ABI3BP: variants seen among roughly 807,000 people sequenced by gnomAD.
The protein encoded by ABI3BP is ABI family member 3 binding protein.
Under a neutral mutation model 268.6 loss-of-function variants are expected in ABI3BP, and 216 were observed. That is an observed-to-expected ratio of 0.80 (90% confidence interval 0.72 to 0.90). The LOEUF (loss-of-function observed/expected upper bound fraction) is 0.90, where lower values mean the gene tolerates loss of function less well. Among genes scored for constraint, ABI3BP ranks in the 40% least tolerant of loss-of-function variants. The pLI is 0.00. For synonymous variants in ABI3BP, 730 were observed against 730.0 expected (o/e 1.00, Z 0.00); for missense variants, 2,090 against 2,182.4 (o/e 0.96, Z 0.84).
chr3:100,793,772 G>A (rs2097263395), intron 54 of ABI3BP, among the ~76,000 whole-genome samples: 1 of 151,962 alleles, frequency 6.6e-6, no homozygotes, highest in South Asian at 2.1e-4. Flanking sequence ...GAGACAAATA[G>A]GGCCACTGAC....
At position 100,818,627 on chromosome 3, in the gene ABI3BP, T is replaced by C. The variant is rs765577563; in HGVS notation, c.3032-46A>G. The C allele has an allele frequency of 2.1e-6, 3 of 1,399,962 alleles. No individual in the cohort carries two copies. The South Asian group carries it at 3.7e-5, about 17-fold the overall frequency. The allele number at this position is 1,399,962 out of a possible 1,614,324, so 86.7% of individuals were successfully genotyped here. A position where few individuals can be genotyped will look rare whatever the true frequency, so the allele number is the denominator to read the frequency against. Reference sequence around the variant, plus strand: ...AAACTTGTGAAAAGCCAGTAAATTATATCTTTCCATTATAATACTGCTTCA... The same window carrying C: ...AAACTTGTGAAAAGCCAGTAAATTACATCTTTCCATTATAATACTGCTTCA... On this transcript the variant is annotated intron_variant, in intron 40 of 67. Transcript: ENST00000471714.
intron 29 of ABI3BP, 22 bp downstream of exon 29, chr3:100,834,662 C>T (rs1386232170): frequency 6.5e-7 from 1 of 1,533,496 alleles, no homozygotes; most frequent in Admixed American, 2.0e-5. Flanking sequence ...GCCACAGGGA[C>T]AAGGAACCAC....
Position 100,750,268 on chromosome 3 carries a change from A to C in ABI3BP, c.*227T>G, listed in dbSNP as rs1576423422. On this transcript the variant is annotated 3_prime_UTR_variant, in exon 68 of 68. Coordinates refer to ENST00000471714, the MANE Select transcript of ABI3BP (RefSeq NM_001375547.2). ...CCATGAATAGGGAGCCAGCTTCCCC[A>C]AAAATGTTATTCTGTTAACATCAGT... is the stretch of plus-strand genomic sequence containing the variant. 2 of 369,708 alleles carry C rather than the reference A, an allele frequency of 5.4e-6. No homozygotes were observed. The highest frequency in any genetic ancestry group is 4.4e-5 in the East Asian group (1 of 22,702). 22.9% of individuals were successfully genotyped at this position (369,708 alleles called of 1,614,324 possible).
At chr3:100,951,773 G>C (rs2075149664) in intron 1 of ABI3BP, among the ~76,000 whole-genome samples, 1 of 151,858 alleles carries the variant, frequency 6.6e-6, no homozygotes, top group Non-Finnish European at 1.5e-5. Flanking sequence ...TTGGAGCAGT[G>C]GTTCTCTTCT....
chr3:100,956,943 TG>T (rs2077037356), intron 1 of ABI3BP, among the ~76,000 whole-genome samples: 1 of 152,194 alleles, frequency 6.6e-6, no homozygotes, highest in Admixed American at 6.5e-5. Context: ...TAGAGGTAAC[TG>T]GGCTGGATGG....
chr3:100,919,861 T>G (rs2059725522), intron 2 of ABI3BP, among the ~76,000 whole-genome samples: 1 of 152,208 alleles, frequency 6.6e-6, no homozygotes, highest in Admixed American at 6.5e-5. Context: ...CATATTTTTC[T>G]TTGGAGGCCA....
chr3:100,860,230 C>A (rs2098983149), intron 14 of ABI3BP, among the ~76,000 whole-genome samples: 1 of 152,242 alleles, frequency 6.6e-6, no homozygotes, highest in South Asian at 2.1e-4. Context: ...GAGGATCATG[C>A]TAAGTAGCAA....
At chr3:100,967,617 G>A (rs928709359) in intron 1 of ABI3BP, among the ~76,000 whole-genome samples, 5 of 151,992 alleles carry the variant, frequency 3.3e-5, no homozygotes, top group Admixed American at 3.3e-4. Context: ...TTGTGAATAT[G>A]CAATAAAAAT....
Position 100,789,464 on chromosome 3 carries a change from G to A in ABI3BP, c.4077C>T (p.His1359=), listed in dbSNP as rs916658837. 3 of 1,600,972 alleles carry A rather than the reference G, an allele frequency of 1.9e-6. No homozygotes were observed. Among genetic ancestry groups the A allele is most frequent in the Non-Finnish European group, 2.6e-6 (3 of 1,173,328 alleles). The change falls in exon 56 of 68, where the codon CAC becomes CAT. Residue 1359 remains histidine (H), a synonymous_variant. Transcript: ENST00000471714. The part of the protein sequence containing the change: ...TVRPRTSDKP[H]IRPVLNRTTT... Reference sequence around the variant, plus strand: ...AGAGAAACAACTTACCAGGTCTGATGTGTGGCTTGTCAGATGTTCTGGGCC... The same window carrying A: ...AGAGAAACAACTTACCAGGTCTGATATGTGGCTTGTCAGATGTTCTGGGCC...
chr3:100,821,991 C>T (rs2098244977), intron 38 of ABI3BP, among the ~76,000 whole-genome samples: 1 of 151,998 alleles, frequency 6.6e-6, no homozygotes, highest in Non-Finnish European at 1.5e-5. Context: ...TTATTCTTCC[C>T]ACCCTTCTAC....
intron 1 of ABI3BP, among the ~76,000 whole-genome samples, chr3:100,981,090 G>C (rs1210713005): frequency 3.3e-5 from 5 of 152,116 alleles, no homozygotes; most frequent in Non-Finnish European, 7.4e-5. Flanking sequence ...ATACAGTTAT[G>C]GTTTGTCTAA....
At position 100,760,443 on chromosome 3, in the gene ABI3BP, T is replaced by C. The variant is rs142879441; in HGVS notation, c.4850+5398A>G. Among the ~76,000 whole-genome samples, 541 of 152,238 alleles carry C rather than the reference T, an allele frequency of 3.6e-3. 2 individuals carry two copies. The highest frequency in any genetic ancestry group is 0.024 in the Middle Eastern group (7 of 294). Reference sequence around the variant, plus strand: ...TCCGTCCATCAGTGGATTATCAAAATGTGTGCTAGAAACAATTCATCTGAA... The same window carrying C: ...TCCGTCCATCAGTGGATTATCAAAACGTGTGCTAGAAACAATTCATCTGAA... On this transcript the variant is annotated intron_variant, in intron 63 of 67. Coordinates refer to ENST00000471714, the MANE Select transcript of ABI3BP (RefSeq NM_001375547.2).
chr3:100,950,211 C>T (rs116228736), intron 1 of ABI3BP, among the ~76,000 whole-genome samples: 2,282 of 152,270 alleles, frequency 0.015, 23 homozygotes, highest in Middle Eastern at 0.027. Context: ...CTGTCCCTAG[C>T]ACGGTGCCTG....
chr3:100,770,712 C>T, intron 62 of ABI3BP, 31 bp downstream of exon 62: 1 of 1,420,790 alleles, frequency 7.0e-7, no homozygotes, highest in Non-Finnish European at 9.2e-7. Context: ...CAAAGCTTCC[C>T]ACCATAACAG....
chr3:100,967,058 T>G (rs1165326355), intron 1 of ABI3BP, among the ~76,000 whole-genome samples: 2 of 152,130 alleles, frequency 1.3e-5, no homozygotes, highest in Non-Finnish European at 2.9e-5. Flanking sequence ...TAAATCTCAA[T>G]TTTCTCATCT....
At chr3:100,941,193 T>G (rs1172012684) in intron 1 of ABI3BP, among the ~76,000 whole-genome samples, 1 of 151,870 alleles carries the variant, frequency 6.6e-6, no homozygotes, top group Non-Finnish European at 1.5e-5. Flanking sequence ...CATTTCATGA[T>G]CTCTGCTCCA....
intron 63 of ABI3BP, among the ~76,000 whole-genome samples, chr3:100,764,759 C>T (rs1280267101): frequency 6.6e-6 from 1 of 152,198 alleles, no homozygotes; most frequent in Non-Finnish European, 1.5e-5. Context: ...AACAGACTTT[C>T]TCCCCCTCTC....
At position 100,850,694 on chromosome 3, in the gene ABI3BP, A is replaced by T. The variant is rs1351868338; in HGVS notation, c.1392T>A (p.Thr464=). Residue 464 remains threonine, a synonymous_variant, in exon 16 of 68, where the codon ACT becomes ACA. Coordinates refer to ENST00000471714, the MANE Select transcript of ABI3BP (RefSeq NM_001375547.2). The part of the protein sequence containing the change: ...DRILDSIPPK[T]SRTLEQPRAT... Reference sequence around the variant, plus strand: ...CCCTTGGCTGTTCAAGAGTTCTAGAAGTTTTAGGTGGGATAGAATCCAGAA... The same window carrying T: ...CCCTTGGCTGTTCAAGAGTTCTAGATGTTTTAGGTGGGATAGAATCCAGAA... 2 of 1,613,366 alleles carry T rather than the reference A, an allele frequency of 1.2e-6. No homozygotes were observed. The highest frequency in any genetic ancestry group is 3.3e-5 in the Admixed American group (2 of 60,016).
chr3:100,896,712 C>G lies in ABI3BP; in HGVS notation c.461+2050G>C, dbSNP rs1378286424. ...GTGTTTATTTTCTCAGCATTAGTAC[C>G]CCAGACCAATCCATTAGGAACCGGA... On this transcript the variant is annotated intron_variant, in intron 4 of 67. Coordinates refer to ENST00000471714, the MANE Select transcript of ABI3BP (RefSeq NM_001375547.2). Among the ~76,000 whole-genome samples, 4 of 152,048 alleles carry G rather than the reference C, an allele frequency of 2.6e-5. No individual in the cohort carries two copies. The East Asian group carries it at 7.7e-4, about 29-fold the overall frequency.
Sources: allele counts gnomAD v4.1 joint callset (sites outside exome capture counted in the v4.1 genomes callset), GRCh38; gene constraint gnomAD v4.1.1; transcripts MANE v1.5; gene names NCBI Gene and HGNC (gene_info 2026-07-23, HGNC 2026-07-21).